The following PCED1B variants were observed in gnomAD, a reference collection of about 807,000 sequenced individuals.
PCED1B encodes the protein PC-esterase domain-containing protein 1B.
For synonymous variants in PCED1B, 251 were observed against 246.1 expected (o/e 1.02, Z -0.19); for missense variants, 573 against 573.9 (o/e 1.00, Z 0.02).
In PCED1B at chr12:47,236,413, A is replaced by G. The variant is rs142383431; in HGVS notation, c.*51A>G. On this transcript the variant is annotated 3_prime_UTR_variant, in exon 4 of 4. Transcript: ENST00000546455. ...TATGAACATGGATTGGACAGATCTG[A>G]CACTTCCTTTCCATTGCTTGGCCTG... 2.1e-6 allele frequency: 3 copies of G among 1,453,886 alleles called. No homozygotes were observed. The highest frequency in any genetic ancestry group is 2.7e-6 in the Non-Finnish European group (3 of 1,095,610). The allele number at this position is 1,453,886 out of a possible 1,614,324, so 90.1% of individuals were successfully genotyped here.
At chr12:47,148,096 G>A (rs1406495973) in intron 2 of PCED1B, among the ~76,000 whole-genome samples, 3 of 152,212 alleles carry the variant, frequency 2.0e-5, no homozygotes, top group Admixed American at 6.5e-5. Context: ...CCATCGCATG[G>A]TGGAAGGCAG....
Position 47,186,701 on chromosome 12 carries a change from A to T in PCED1B, c.-525-29521A>T, listed in dbSNP as rs148830425. Among the ~76,000 whole-genome samples, 769 of 152,314 alleles carry T rather than the reference A, an allele frequency of 5.0e-3. 7 individuals carry two copies. The highest frequency in any genetic ancestry group is 0.018 in the African/African-American group (744 of 41,558). On this transcript the variant is annotated intron_variant, in intron 2 of 3. Coordinates refer to ENST00000546455, the MANE Select transcript of PCED1B (RefSeq NM_138371.3). ...AAAGGTTTTTTCCCCTACAGCTTTCAGAAGGAGCATGGCCCTGCTGACACC... is the reference window on the plus strand; with the variant it reads ...AAAGGTTTTTTCCCCTACAGCTTTCTGAAGGAGCATGGCCCTGCTGACACC...
chr12:47,154,973 TG>T (rs1941144142), intron 2 of PCED1B, among the ~76,000 whole-genome samples: 1 of 152,086 alleles, frequency 6.6e-6, no homozygotes, highest in Admixed American at 6.6e-5. Flanking sequence ...CAGGAATCCA[TG>T]GGGTGGGGAG....
chr12:47,112,710 T>C (rs1218367228), intron 2 of PCED1B, among the ~76,000 whole-genome samples: 4 of 152,216 alleles, frequency 2.6e-5, no homozygotes, highest in Non-Finnish European at 4.4e-5. Context: ...AAGGTCACAT[T>C]ATTAGCCAGT....
At chr12:47,163,099 T>A (rs1461316380) in intron 2 of PCED1B, among the ~76,000 whole-genome samples, 1 of 152,206 alleles carries the variant, frequency 6.6e-6, no homozygotes, top group African/African-American at 2.4e-5. Flanking sequence ...CTTCTTTAAT[T>A]TCTTTTAGCA....
chr12:47,084,229 C>CTA (rs1019851801), intron 1 of PCED1B, among the ~76,000 whole-genome samples: 1 of 152,104 alleles, frequency 6.6e-6, no homozygotes, highest in African/African-American at 2.4e-5. Context: ...AACACAAAGT[C>CTA]TATATTATAT....
intron 2 of PCED1B, among the ~76,000 whole-genome samples, chr12:47,198,767 C>T (rs1188583713): frequency 6.6e-6 from 1 of 152,036 alleles, no homozygotes; most frequent in East Asian, 1.9e-4. Context: ...GAGTTTGAGA[C>T]CAGCCCGGCT....
At position 47,224,317 on chromosome 12, in the gene PCED1B, C is replaced by T. The variant is rs1057284847; in HGVS notation, c.-58+7628C>T. On this transcript the variant is annotated intron_variant, in intron 3 of 3. Transcript: ENST00000546455. ...CTGCATTTCAGTTACTAAGAACCAC[C>T]ACTTCATTCATAAAAATGCTCTCTG... is the stretch of plus-strand genomic sequence containing the variant. Among the ~76,000 whole-genome samples, 6 of 152,302 alleles carry T rather than the reference C, an allele frequency of 3.9e-5. No homozygotes were observed. In the East Asian group the frequency reaches 1.2e-3, roughly 29 times the overall value.
At chr12:47,180,373 AG>A (rs1942056643) in intron 2 of PCED1B, among the ~76,000 whole-genome samples, 1 of 152,348 alleles carries the variant, frequency 6.6e-6, no homozygotes, top group South Asian at 2.1e-4. Context: ...CAATGGAGAA[AG>A]GATTCCCTAT....
At chr12:47,131,960 C>CCCAGCCTG (rs1940150549) in intron 2 of PCED1B, among the ~76,000 whole-genome samples, 1 of 152,104 alleles carries the variant, frequency 6.6e-6, no homozygotes, top group Admixed American at 6.5e-5. Flanking sequence ...AGCCACCGTG[C>CCCAGCCTG]CCAGCCTGTC....
At chr12:47,140,659 A>G (rs1295316188) in intron 2 of PCED1B, among the ~76,000 whole-genome samples, 1 of 152,232 alleles carries the variant, frequency 6.6e-6, no homozygotes, top group Non-Finnish European at 1.5e-5. Context: ...ATCTCAGAAG[A>G]CAGTGAAAAT....
chr12:47,200,595 C>G (rs938126351), intron 2 of PCED1B, among the ~76,000 whole-genome samples: 2 of 152,174 alleles, frequency 1.3e-5, no homozygotes, highest in Non-Finnish European at 2.9e-5. Flanking sequence ...TCCCATTTAC[C>G]CAAGTGAGTT....
chr12:47,083,016 G>A (rs1320784924), intron 1 of PCED1B, among the ~76,000 whole-genome samples: 1 of 148,810 alleles, frequency 6.7e-6, no homozygotes, highest in Non-Finnish European at 1.5e-5. Context: ...CTGAGAAGGG[G>A]GTGTGGTCAT....
Position 47,236,070 on chromosome 12 carries a change from G to T in PCED1B, c.1007G>T (p.Gly336Val). 1 of 1,613,966 alleles carries T rather than the reference G, an allele frequency of 6.2e-7. No individual in the cohort carries two copies. Among genetic ancestry groups the T allele is most frequent in the Non-Finnish European group, 8.5e-7 (1 of 1,179,986 alleles). ...CAGGGAATGCCCCGGTTCCCACAGG[G>T]TCCCCCAGATGCCTGTTTTTCCTCA... The part of the protein sequence containing the change: ...HHQGMPRFPQ[G>V]PPDACFSSDH... The change falls in exon 4 of 4, where the codon GGT becomes GTT. Residue 336 changes from glycine to valine, a missense_variant. Physicochemically the swap from Gly to Val is moderately radical, Grantham distance 109 (BLOSUM62 -3). Transcript: ENST00000546455.
At chr12:47,104,870 C>T (rs1236618876) in intron 2 of PCED1B, among the ~76,000 whole-genome samples, 1 of 152,202 alleles carries the variant, frequency 6.6e-6, no homozygotes, top group Non-Finnish European at 1.5e-5. Flanking sequence ...ACAGCTTCTG[C>T]CCCTTCCTCA....
chr12:47,211,840 C>T (rs544677808), intron 2 of PCED1B, among the ~76,000 whole-genome samples: 3 of 149,654 alleles, frequency 2.0e-5, no homozygotes, highest in South Asian at 2.1e-4. Context: ...CTTTGGGAGG[C>T]CGAGGCGGGC....
chr12:47,096,047 G>A (rs1456606368), intron 1 of PCED1B, among the ~76,000 whole-genome samples: 1 of 151,906 alleles, frequency 6.6e-6, no homozygotes, highest in Admixed American at 6.6e-5. Context: ...AGGTCTCCTT[G>A]TTTCTGAACC....
intron 2 of PCED1B, among the ~76,000 whole-genome samples, chr12:47,117,774 C>T (rs1286023448): frequency 1.3e-5 from 2 of 152,212 alleles, no homozygotes; most frequent in Non-Finnish European, 2.9e-5. Context: ...AATCGCCACA[C>T]TGTCTTCCAC....
chr12:47,127,885 C>G (rs944914911), intron 2 of PCED1B, among the ~76,000 whole-genome samples: 4 of 152,062 alleles, frequency 2.6e-5, no homozygotes, highest in Non-Finnish European at 5.9e-5. Flanking sequence ...TTGTTCAAGT[C>G]TTCGATATAC....
Sources: allele counts gnomAD v4.1 joint callset (sites outside exome capture counted in the v4.1 genomes callset), GRCh38; gene constraint gnomAD v4.1.1; transcripts MANE v1.5; gene names NCBI Gene and HGNC (gene_info 2026-07-23, HGNC 2026-07-21).